EPHA3: variants seen among roughly 807,000 people sequenced by gnomAD.
The protein encoded by EPHA3 is EPH receptor A3, also known as ephrin type-A receptor 3.
A neutral mutation model predicts 107.1 loss-of-function variants in EPHA3; 42 were observed. The observed-to-expected ratio is 0.39, with a 90% CI of 0.31 to 0.51. The LOEUF is 0.51. Ranked by LOEUF, EPHA3 falls within the 20% of genes least tolerant of loss-of-function variation. The pLI, the probability that EPHA3 is intolerant of heterozygous loss-of-function variation, is 0.78. For missense variants in EPHA3, 1,183 were observed against 1,211.2 expected (o/e 0.98, Z 0.35); for synonymous variants, 461 against 424.8 (o/e 1.09, Z -1.05).
intron 5 of EPHA3, among the ~76,000 whole-genome samples, chr3:89,390,525 G>C (rs1451014234): frequency 6.6e-6 from 1 of 151,392 alleles, no homozygotes; most frequent in East Asian, 2.0e-4. Context: ...GCTTGAACCC[G>C]GGAGGCAAAG....
chr3:89,407,391 C>T lies in EPHA3; in HGVS notation c.1697+20C>T, dbSNP rs779213782. On this transcript the variant is annotated intron_variant, in intron 8 of 16. Transcript: ENST00000336596. Reference sequence around the variant, plus strand: ...TGGGAGGTGAGTTCACAGTCTGTTTCACTATTCACTTTCTTTGTTGCTTTG... The same window carrying T: ...TGGGAGGTGAGTTCACAGTCTGTTTTACTATTCACTTTCTTTGTTGCTTTG... The T allele has an allele frequency of 1.3e-6, 2 of 1,587,210 alleles. No homozygotes were observed. The highest frequency in any genetic ancestry group is 2.7e-5 in the African/African-American group (2 of 74,320).
chr3:89,160,192 T>C (rs1368667564), intron 2 of EPHA3, among the ~76,000 whole-genome samples: 6 of 151,992 alleles, frequency 3.9e-5, no homozygotes, highest in Admixed American at 2.6e-4. Context: ...TAGAAATCAA[T>C]AATGTTTGGA....
intron 1 of EPHA3, 97 bp from the exon 2 acceptor site, chr3:89,127,112 T>C: frequency 1.1e-6 from 1 of 907,568 alleles, no homozygotes; most frequent in Non-Finnish European, 1.8e-6. Context: ...GTTATGTTTT[T>C]TGAGCAACAT....
At chr3:89,369,142 G>T (rs957225201) in intron 5 of EPHA3, among the ~76,000 whole-genome samples, 1 of 150,308 alleles carries the variant, frequency 6.7e-6, no homozygotes, top group Admixed American at 6.7e-5. Context: ...GAGAACTCAA[G>T]GAATGGTAAG....
At chr3:89,400,132 G>A in intron 7 of EPHA3, 1 of 860,186 alleles carries the variant, frequency 1.2e-6, no homozygotes, top group Non-Finnish European at 1.4e-6. Flanking sequence ...TATGTCTATG[G>A]CACTAATATA....
chr3:89,112,876 T>C (rs1707147108), intron 1 of EPHA3, among the ~76,000 whole-genome samples: 1 of 152,124 alleles, frequency 6.6e-6, no homozygotes, highest in Admixed American at 6.5e-5. Context: ...CATTAAGTTT[T>C]ACAAGTTATT....
At position 89,429,145 on chromosome 3, in the gene EPHA3, G is replaced by C. The variant is rs754635213; in HGVS notation, c.2114G>C (p.Gly705Ala). 1.2e-6 allele frequency: 2 copies of C among 1,610,742 alleles called. No individual in the cohort carries two copies. The highest frequency in any genetic ancestry group is 1.3e-5 in the African/African-American group (1 of 74,794). Residue 705 changes from glycine (G) to alanine (A), a missense_variant, in exon 12 of 17, where the codon GGT (glycine) becomes GCT (alanine). Coordinates refer to ENST00000336596, the MANE Select transcript of EPHA3 (RefSeq NM_005233.6). ...VMIVTEYMENGSLDSFLRKHD... is the reference protein window; with the variant it reads ...VMIVTEYMENASLDSFLRKHD... ...ATTGTCACAGAATACATGGAGAATG[G>C]TTCCTTGGATAGTTTCCTACGTGTA...
chr3:89,239,870 A>G (rs1011430275), intron 3 of EPHA3, among the ~76,000 whole-genome samples: 4 of 152,156 alleles, frequency 2.6e-5, no homozygotes, highest in African/African-American at 9.7e-5. Flanking sequence ...TTGATTGATA[A>G]TAGTTGAGGT....
intron 3 of EPHA3, among the ~76,000 whole-genome samples, chr3:89,232,989 T>C (rs552288661): frequency 7.9e-5 from 12 of 152,304 alleles, no homozygotes; most frequent in African/African-American, 2.9e-4. Flanking sequence ...GAACTCCTAC[T>C]TTATATCCAA....
intron 13 of EPHA3, 127 bp from the exon 14 acceptor site, chr3:89,449,098 A>C: frequency 1.2e-6 from 1 of 856,322 alleles, no homozygotes; most frequent in Non-Finnish European, 1.6e-6. Context: ...AAAATGTTTC[A>C]CAGAAATGCA....
intron 10 of EPHA3, among the ~76,000 whole-genome samples, chr3:89,417,201 T>C (rs1447916191): frequency 1.3e-5 from 2 of 151,358 alleles, no homozygotes; most frequent in South Asian, 2.1e-4. Flanking sequence ...GTGTCCCCCA[T>C]AGAGATAGGA....
intron 2 of EPHA3, among the ~76,000 whole-genome samples, chr3:89,184,511 A>G (rs1426487447): frequency 6.6e-6 from 1 of 152,062 alleles, no homozygotes; most frequent in Non-Finnish European, 1.5e-5. Flanking sequence ...ATATGCAGAA[A>G]TTACAAAGTA....
chr3:89,239,135 A>G (rs945670997), intron 3 of EPHA3, among the ~76,000 whole-genome samples: 1 of 152,194 alleles, frequency 6.6e-6, no homozygotes, highest in Non-Finnish European at 1.5e-5. Context: ...TCAAAGTCAA[A>G]AAGAAAGCCC....
chr3:89,437,085 A>G (rs1374187313), intron 13 of EPHA3, among the ~76,000 whole-genome samples: 1 of 152,184 alleles, frequency 6.6e-6, no homozygotes, highest in Non-Finnish European at 1.5e-5. Context: ...CAGTATTATT[A>G]TGAAAATAGT....
intron 2 of EPHA3, among the ~76,000 whole-genome samples, chr3:89,185,887 T>C (rs1705552515): frequency 6.6e-6 from 1 of 152,170 alleles, no homozygotes; most frequent in Admixed American, 6.6e-5. Flanking sequence ...TGAAAAGTGA[T>C]ATTTTGAGAG....
intron 11 of EPHA3, among the ~76,000 whole-genome samples, chr3:89,428,345 A>G (rs1432782502): frequency 6.6e-6 from 1 of 152,062 alleles, no homozygotes; most frequent in Non-Finnish European, 1.5e-5. Flanking sequence ...TAATATGTTA[A>G]TATATAAATT....
At chr3:89,432,857 A>T (rs1709595516) in intron 13 of EPHA3, among the ~76,000 whole-genome samples, 1 of 152,126 alleles carries the variant, frequency 6.6e-6, no homozygotes, top group Non-Finnish European at 1.5e-5. Flanking sequence ...AATCAATGCC[A>T]TTTTGTTTTC....
At chr3:89,221,401 C>T (rs1438388883) in intron 3 of EPHA3, among the ~76,000 whole-genome samples, 1 of 152,128 alleles carries the variant, frequency 6.6e-6, no homozygotes, top group African/African-American at 2.4e-5. Context: ...CAGAAAATTA[C>T]GTGTCTTCCT....
intron 3 of EPHA3, among the ~76,000 whole-genome samples, chr3:89,260,941 T>C (rs1705401129): frequency 6.6e-6 from 1 of 152,192 alleles, no homozygotes; most frequent in Non-Finnish European, 1.5e-5. Flanking sequence ...TATTTCTCAA[T>C]ACATAGCAGC....
Sources: allele counts gnomAD v4.1 joint callset (sites outside exome capture counted in the v4.1 genomes callset), GRCh38; gene constraint gnomAD v4.1.1; transcripts MANE v1.5; gene names NCBI Gene and HGNC (gene_info 2026-07-23, HGNC 2026-07-21).